The following MACROD2 variants were observed in gnomAD, a reference collection of about 807,000 sequenced individuals.
MACROD2 encodes the protein mono-ADP ribosylhydrolase 2.
Under a neutral mutation model 70.4 loss-of-function variants are expected in MACROD2, and 36 were observed. The observed-to-expected ratio is 0.51, with a 90% CI of 0.39 to 0.68. The LOEUF is 0.68. Ranked by LOEUF, MACROD2 falls within the 30% of genes least tolerant of loss-of-function variation. The pLI is 0.00. For synonymous variants in MACROD2, 172 were observed against 178.8 expected, an observed-to-expected ratio of 0.96 and a Z score of 0.30; for missense variants, 496 against 538.4, an observed-to-expected ratio of 0.92 and a Z score of 0.78.
chr20:14,933,310 T>C (rs1273416329), intron 5 of MACROD2, among the ~76,000 whole-genome samples: 1 of 152,166 alleles, frequency 6.6e-6, no homozygotes, highest in East Asian at 1.9e-4. Flanking sequence ...AATGCTAGCA[T>C]TGGGTCTTTC....
At chr20:14,333,095 C>G (rs1378732190) in intron 3 of MACROD2, among the ~76,000 whole-genome samples, 2 of 151,900 alleles carry the variant, frequency 1.3e-5, no homozygotes, top group African/African-American at 4.8e-5. Flanking sequence ...AGAAGGACCT[C>G]TAACTCTCCT....
chr20:15,039,575 C>T (rs1303941588), intron 5 of MACROD2, among the ~76,000 whole-genome samples: 1 of 151,994 alleles, frequency 6.6e-6, no homozygotes, highest in Non-Finnish European at 1.5e-5. Flanking sequence ...TTAATGAGCC[C>T]TGACATCACT....
chr20:14,084,059 C>CT, intron 2 of MACROD2, among the ~76,000 whole-genome samples: 1 of 6,904 alleles, frequency 1.4e-4, no homozygotes, highest in African/African-American at 5.1e-4. Context: ...GAGACTCCGT[C>CT]TCAAAAAAAA....
chr20:14,409,197 A>G (rs1293690167), intron 3 of MACROD2, among the ~76,000 whole-genome samples: 1 of 147,324 alleles, frequency 6.8e-6, no homozygotes, highest in African/African-American at 2.5e-5. Flanking sequence ...ATGCCAGGTA[A>G]GTGATAGGTC....
intron 15 of MACROD2, among the ~76,000 whole-genome samples, chr20:16,036,282 T>C (rs775137): frequency 0.69 from 101,439 of 146,476 alleles, 35,058 homozygotes; most frequent in Non-Finnish European, 0.78. Context: ...GGAGGACTCC[T>C]CCCCCGGCCA....
Position 14,224,508 on chromosome 20 carries a change from G to T in MACROD2, c.271+138780G>T, listed in dbSNP as rs577964232. On this transcript the variant is annotated intron_variant, in intron 3 of 17. Coordinates refer to ENST00000684519, the MANE Select transcript of MACROD2 (RefSeq NM_001351661.2). ...TTCAGTCTTCTGCACAGTTGATTTG[G>T]CCTACAGACTGCTGAACTGAGGCAG... Among the ~76,000 whole-genome samples, 188 of 152,260 alleles carry T rather than the reference G, an allele frequency of 1.2e-3. 1 individual carries two copies. The highest frequency in any genetic ancestry group is 4.2e-3 in the African/African-American group (176 of 41,546).
intron 2 of MACROD2, among the ~76,000 whole-genome samples, chr20:14,008,323 C>T (rs2052850802): frequency 6.6e-6 from 1 of 152,074 alleles, no homozygotes; most frequent in Non-Finnish European, 1.5e-5. Context: ...TGCTATACAC[C>T]AAAAACAGGC....
At chr20:14,324,550 A>G (rs2082704389) in intron 3 of MACROD2, 1 of 152,348 alleles carries the variant, frequency 6.6e-6, no homozygotes, top group Admixed American at 6.6e-5. Context: ...TCTCTTATTT[A>G]AAGAACTACT....
chr20:15,605,261 G>A (rs1279646720), intron 8 of MACROD2, among the ~76,000 whole-genome samples: 1 of 152,036 alleles, frequency 6.6e-6, no homozygotes, highest in Admixed American at 6.5e-5. Context: ...GGAAAATCAT[G>A]AGTCTTCCTC....
chr20:15,179,502 A>G (rs1446537627), intron 5 of MACROD2, among the ~76,000 whole-genome samples: 1 of 152,180 alleles, frequency 6.6e-6, no homozygotes, highest in South Asian at 2.1e-4. Flanking sequence ...CAGCCCTAAA[A>G]AGGTGGCATC....
At chr20:14,547,368 T>A (rs2085503036) in intron 4 of MACROD2, 1 of 230,354 alleles carries the variant, frequency 4.3e-6, no homozygotes, top group African/African-American at 2.3e-5. Context: ...CCCAGATCTT[T>A]GTTTCTGATC....
At chr20:15,111,623 C>T (rs1007918010) in intron 5 of MACROD2, among the ~76,000 whole-genome samples, 15 of 152,160 alleles carry the variant, frequency 9.9e-5, no homozygotes, top group African/African-American at 3.6e-4. Flanking sequence ...ATGTTTGGTC[C>T]TTTCCAGGCC....
intron 5 of MACROD2, among the ~76,000 whole-genome samples, chr20:15,223,394 T>C (rs942624171): frequency 1.3e-5 from 2 of 152,220 alleles, no homozygotes; most frequent in Admixed American, 6.5e-5. Context: ...GAAGTTATGA[T>C]GCTAATTCTG....
chr20:14,423,422 T>G (rs896925189), intron 3 of MACROD2, among the ~76,000 whole-genome samples: 8 of 151,504 alleles, frequency 5.3e-5, no homozygotes, highest in South Asian at 4.2e-4. Flanking sequence ...TGATGCGGCC[T>G]GGAGCGGTGG....
intron 8 of MACROD2, among the ~76,000 whole-genome samples, chr20:15,748,348 T>TTCCC (rs111417335): frequency 6.7e-6 from 1 of 148,878 alleles, no homozygotes; most frequent in African/African-American, 2.5e-5. Context: ...AATTTTCCTC[T>TTCCC]TTCCTTCCTT....
At chr20:14,334,913 AC>A (rs889542028) in intron 3 of MACROD2, among the ~76,000 whole-genome samples, 16 of 152,112 alleles carry the variant, frequency 1.1e-4, no homozygotes, top group South Asian at 2.1e-4. Flanking sequence ...TATATAGCCC[AC>A]CCACCTTAAA....
intron 9 of MACROD2, among the ~76,000 whole-genome samples, chr20:15,867,277 C>T (rs965594932): frequency 7.2e-5 from 11 of 152,142 alleles, no homozygotes; most frequent in Non-Finnish European, 1.6e-4. Flanking sequence ...AGGCCTTCAA[C>T]ATAAAAATTC....
intron 15 of MACROD2, among the ~76,000 whole-genome samples, chr20:16,014,513 C>T (rs915017634): frequency 6.6e-6 from 1 of 152,190 alleles, no homozygotes; most frequent in Non-Finnish European, 1.5e-5. Context: ...TCAGATTTTT[C>T]CCATTTCTCT....
At chr20:14,872,197 T>C (rs2073496536) in intron 5 of MACROD2, among the ~76,000 whole-genome samples, 1 of 152,152 alleles carries the variant, frequency 6.6e-6, no homozygotes, top group Non-Finnish European at 1.5e-5. Context: ...CTCTCCACTC[T>C]GCCATTTTCA....
Sources: gnomAD v4.1 joint callset for allele counts (sites outside exome capture counted in the v4.1 genomes callset) on GRCh38, gnomAD v4.1.1 for gene constraint, MANE v1.5 for transcripts, NCBI Gene and HGNC (gene_info 2026-07-23, HGNC 2026-07-21) for gene names.